The following NISCH variants were observed in gnomAD, a reference collection of about 807,000 sequenced individuals.
NISCH encodes the protein nischarin.
NISCH carries 55 observed loss-of-function variants against 138.4 expected under a neutral mutation model. That is an observed-to-expected ratio of 0.40 (90% CI 0.32 to 0.50). NISCH has a LOEUF of 0.50. Ranked by LOEUF, NISCH falls within the 20% of genes least tolerant of loss-of-function variation. NISCH has a pLI of 0.71. For synonymous variants in NISCH, 860 were observed against 861.5 expected, an observed-to-expected ratio of 1.00 and a Z score of 0.03; for missense variants, 1,643 against 2,005.5, an observed-to-expected ratio of 0.82 and a Z score of 3.45.
At position 52,490,730 on chromosome 3, in the gene NISCH, C is replaced by T; in HGVS notation, c.3639C>T (p.Asp1213=). 6.2e-7 allele frequency: 1 copy of T among 1,614,194 alleles called. No individual in the cohort carries two copies. The highest frequency in any genetic ancestry group is 8.5e-7 in the Non-Finnish European group (1 of 1,180,026). Residue 1213 remains aspartate, a synonymous_variant, in exon 19 of 21, where the codon GAC becomes GAT. Transcript: ENST00000345716. ...LQDFWHQKNT[D]YNNSPFHISQ... ...ATTTCTGGCATCAGAAAAACACCGA[C>T]TACAACAACAGCCCTTTCCACATCT...
chr3:52,469,324 A>C (rs1706875240), intron 3 of NISCH, among the ~76,000 whole-genome samples: 1 of 152,212 alleles, frequency 6.6e-6, no homozygotes. Flanking sequence ...CACAGTTATT[A>C]CACTGAACTG....
At chr3:52,489,730 A>G in intron 17 of NISCH, 52 bp downstream of exon 17, 1 of 1,572,018 alleles carries the variant, frequency 6.4e-7, no homozygotes, top group South Asian at 1.2e-5. Flanking sequence ...CCTGAGGGCG[A>G]GGCCAAGCTT....
chr3:52,467,339 T>G (rs886638158), intron 3 of NISCH, among the ~76,000 whole-genome samples: 3 of 152,132 alleles, frequency 2.0e-5, no homozygotes, highest in African/African-American at 7.2e-5. Flanking sequence ...TTCAGACATT[T>G]ATGGCACCCC....
In NISCH at chr3:52,492,454, G is replaced by A. The variant is rs200437523; in HGVS notation, c.4487G>A (p.Arg1496His). 12 of 1,607,862 alleles carry A rather than the reference G, an allele frequency of 7.5e-6. No individual in the cohort carries two copies. Among genetic ancestry groups the A allele is most frequent in the East Asian group, 4.5e-5 (2 of 44,830 alleles). The change falls in exon 21 of 21, where the codon CGT becomes CAT. Residue 1496 changes from arginine to histidine, a missense_variant. Physicochemically the swap from Arg to His is conservative, Grantham distance 29. Transcript: ENST00000345716. ...CGCCAGTGGGAGGCCCTGTGTGGCC[G>A]TGAGCTGCCTGTCGAGCTCACCGGC... is the stretch of plus-strand genomic sequence containing the variant. Reference protein sequence around the residue: ...LARQWEALCGRELPVELTG With the variant: ...LARQWEALCGHELPVELTG
At position 52,478,390 on chromosome 3, in the gene NISCH, G is replaced by A. The variant is rs1707165743; in HGVS notation, c.1174-59G>A. 8.7e-6 allele frequency: 14 copies of A among 1,610,074 alleles called. No individual in the cohort carries two copies. In the South Asian group the frequency reaches 1.5e-4, roughly 18 times the overall value. On this transcript the variant is annotated intron_variant, in intron 10 of 20. Transcript: ENST00000345716. Reference sequence around the variant, plus strand: ...TTTAAAAGAGACCATGAAACGTGTTGGCGTGTTGCTGAAGTGTTAAGAGAA... The same window carrying A: ...TTTAAAAGAGACCATGAAACGTGTTAGCGTGTTGCTGAAGTGTTAAGAGAA...
chr3:52,480,178 C>G lies in NISCH; in HGVS notation c.1417-6C>G. On this transcript the variant is annotated splice_region_variant and splice_polypyrimidine_tract_variant and intron_variant, in intron 12 of 20. Coordinates refer to ENST00000345716, the MANE Select transcript of NISCH (RefSeq NM_007184.4). Reference sequence around the variant, plus strand: ...CTCCCGGGCTGACTCAAGCACTCGTCCTCAGGGTGGTGAAGACTCCCGGCT... The same window carrying G: ...CTCCCGGGCTGACTCAAGCACTCGTGCTCAGGGTGGTGAAGACTCCCGGCT... The G allele has an allele frequency of 1.9e-6, 3 of 1,613,842 alleles. No individual in the cohort carries two copies. Among genetic ancestry groups the G allele is most frequent in the Non-Finnish European group, 2.5e-6 (3 of 1,179,992 alleles).
At position 52,470,732 on chromosome 3, in the gene NISCH, C is replaced by T. The variant is rs1706919802; in HGVS notation, c.361-127C>T. ...TTGCTTCATTGTAGGTTTATGCCCT[C>T]CTTTCTTTAGTTTAACTTCCTAGAG... is the stretch of plus-strand genomic sequence containing the variant. On this transcript the variant is annotated intron_variant, in intron 3 of 20. Transcript: ENST00000345716. 9 of 789,674 alleles carry T rather than the reference C, an allele frequency of 1.1e-5. No individual in the cohort carries two copies. The East Asian group carries it at 1.2e-4, about 11-fold the overall frequency. 48.9% of individuals were successfully genotyped at this position (789,674 alleles called of 1,614,324 possible). A position where few individuals can be genotyped will look rare whatever the true frequency, so the allele number is the denominator to read the frequency against.
chr3:52,485,715 A>T, intron 14 of NISCH, 63 bp from the exon 15 acceptor site: 1 of 1,532,300 alleles, frequency 6.5e-7, no homozygotes, highest in Non-Finnish European at 8.9e-7. Context: ...GGGTCTGGCA[A>T]CCAGTAAATG....
intron 18 of NISCH, among the ~76,000 whole-genome samples, 186 bp from the exon 19 acceptor site, chr3:52,490,519 G>A (rs188716200): frequency 7.8e-4 from 119 of 152,316 alleles, no homozygotes; most frequent in Middle Eastern, 3.4e-3. Context: ...GGAAGCCCTA[G>A]CCAGCGACCT....
chr3:52,465,907 A>G (rs1706767208), intron 3 of NISCH, among the ~76,000 whole-genome samples: 1 of 152,214 alleles, frequency 6.6e-6, no homozygotes, highest in Non-Finnish European at 1.5e-5. Flanking sequence ...TGTGCTAGCC[A>G]TTACTAGGTG....
chr3:52,488,158 C>T lies in NISCH; in HGVS notation c.2666C>T (p.Ala889Val). 4 of 1,613,336 alleles carry T rather than the reference C, an allele frequency of 2.5e-6. No homozygotes were observed. The highest frequency in any genetic ancestry group is 3.4e-6 in the Non-Finnish European group (4 of 1,179,970). The change falls in exon 16 of 21, where the codon GCC (alanine) becomes GTC (valine). Residue 889 changes from alanine to valine, a missense_variant. Ala to Val is a moderately conservative substitution (Grantham distance 64, BLOSUM62 0). Coordinates refer to ENST00000345716, the MANE Select transcript of NISCH (RefSeq NM_007184.4). ...TGGGCCAGCTGCACACTCTGTTCAG[C>T]CGTGCGGCGCTCCTGCTGCGCGCCC... ...IEWASCTLCSAVRRSCCAPSE... is the reference protein window; with the variant it reads ...IEWASCTLCSVVRRSCCAPSE...
At chr3:52,481,192 G>A (rs1203642621) in intron 13 of NISCH, 3 of 1,181,724 alleles carry the variant, frequency 2.5e-6, no homozygotes, top group African/African-American at 1.6e-5. Context: ...GCCAAAACAC[G>A]GGCTGCAACT....
intron 15 of NISCH, among the ~76,000 whole-genome samples, chr3:52,486,261 G>A (rs965454196): frequency 1.3e-4 from 20 of 152,046 alleles, no homozygotes; most frequent in East Asian, 7.8e-4. Context: ...GACCACAGGC[G>A]CACGCCACCA....
At position 52,490,316 on chromosome 3, in the gene NISCH, G is replaced by A. The variant is rs905275568; in HGVS notation, c.3613+85G>A. 4.8e-6 allele frequency: 7 copies of A among 1,470,662 alleles called. No individual in the cohort carries two copies. The African/African-American group carries it at 8.3e-5, about 17-fold the overall frequency. 91.1% of individuals were successfully genotyped at this position (1,470,662 alleles called of 1,614,324 possible). The stretch of plus-strand genomic sequence containing the variant: ...GGGGTCATTCTCTGGAGCCAGCTGT[G>A]TGGCTTCAGGCAGCAGTCAGCGACT... On this transcript the variant is annotated intron_variant, in intron 18 of 20. Coordinates refer to ENST00000345716, the MANE Select transcript of NISCH (RefSeq NM_007184.4).
intron 15 of NISCH, 88 bp downstream of exon 15, chr3:52,485,915 T>A (rs1707391073): frequency 4.4e-6 from 6 of 1,348,508 alleles, no homozygotes; most frequent in Non-Finnish European, 6.2e-6. Context: ...CCAGTCAGGT[T>A]TTTTTAAAAA....
Position 52,479,867 on chromosome 3 carries a change from G to T in NISCH, c.1416+5G>T. 6.2e-7 allele frequency: 1 copy of T among 1,608,538 alleles called. No homozygotes were observed. The highest frequency in any genetic ancestry group is 1.7e-4 in the Middle Eastern group (1 of 6,048). ...CTGAGCAACCCAGAGAAGAAGGTGG[G>T]TTTGTGTGGCAGGTGGGAGGGCAGT... On this transcript the variant is annotated splice_donor_5th_base_variant and intron_variant, in intron 12 of 20. Coordinates refer to ENST00000345716, the MANE Select transcript of NISCH (RefSeq NM_007184.4).
chr3:52,484,542 G>C lies in NISCH; in HGVS notation c.1558G>C (p.Ala520Pro). 6.2e-7 allele frequency: 1 copy of C among 1,607,510 alleles called. No individual in the cohort carries two copies. Among genetic ancestry groups the C allele is most frequent in the South Asian group, 1.1e-5 (1 of 90,900 alleles). ...CATGTTCGTTCAGGAGGAGGCCCTG[G>C]CCAGCAGCCTCTCGTCCACTGACAG... ...GIMFVQEEAL[A>P]SSLSSTDSLT... Residue 520 changes from alanine (A) to proline (P), a missense_variant, in exon 14 of 21, where the codon GCC (alanine) becomes CCC (proline). Ala to Pro is a conservative substitution (Grantham distance 27). Coordinates refer to ENST00000345716, the MANE Select transcript of NISCH (RefSeq NM_007184.4).
At position 52,455,657 on chromosome 3, in the gene NISCH, A is replaced by G; in HGVS notation, c.16A>G (p.Thr6Ala). 3.0e-6 allele frequency: 4 copies of G among 1,346,830 alleles called. No homozygotes were observed. Among genetic ancestry groups the G allele is most frequent in the Non-Finnish European group, 3.8e-6 (4 of 1,040,712 alleles). The allele number at this position is 1,346,830 out of a possible 1,614,324, so 83.4% of individuals were successfully genotyped here. MATAR[T>A]FGPEREAEPA... Reference sequence around the variant, plus strand: ...AGACCCGAACATGGCGACCGCGCGCACCTTCGGGCCCGAGCGGGAAGCCGA... The same window carrying G: ...AGACCCGAACATGGCGACCGCGCGCGCCTTCGGGCCCGAGCGGGAAGCCGA... The change falls in exon 1 of 21, where the codon ACC becomes GCC. Residue 6 changes from threonine (T) to alanine (A), a missense_variant. Coordinates refer to ENST00000345716, the MANE Select transcript of NISCH (RefSeq NM_007184.4).
rs903629366 is a variant in NISCH at position 52,464,393 on chromosome 3, TAAAAAAACA to T, written c.360+5568_360+5576del. Among the ~76,000 whole-genome samples the T allele has an allele frequency of 1.1e-3, 170 of 150,976 alleles. 1 individual carries two copies. The highest frequency in any genetic ancestry group is 3.0e-3 in the African/African-American group (122 of 41,144). On this transcript the variant is annotated intron_variant, in intron 3 of 20. Transcript: ENST00000345716. ...GCCTGGGTGACAGAGTAAGACTGTC[TAAAAAAACA>T]AAAAAAACAAAAAAAACAGATTATC...
Sources: gnomAD v4.1 joint callset for allele counts (sites outside exome capture counted in the v4.1 genomes callset) on GRCh38, gnomAD v4.1.1 for gene constraint, MANE v1.5 for transcripts, NCBI Gene and HGNC (gene_info 2026-07-23, HGNC 2026-07-21) for gene names.